Variants in DPP6 observed in about 807,000 individuals in gnomAD.
DPP6 encodes the protein A-type potassium channel modulatory protein DPP6.
A neutral mutation model predicts 122.6 loss-of-function variants in DPP6; 69 were observed. The observed-to-expected ratio is 0.56, with a 90% CI of 0.46 to 0.69. The LOEUF is 0.69. DPP6 is among the 30% of genes least tolerant of loss of function. The pLI, the probability that DPP6 is intolerant of heterozygous loss-of-function variation, is 0.00. For synonymous variants in DPP6, 418 were observed against 433.1 expected (o/e 0.97, Z 0.43); for missense variants, 928 against 1,116.9 (o/e 0.83, Z 2.41).
chr7:154,056,175 T>G (rs1800808938), intron 1 of DPP6, among the ~76,000 whole-genome samples: 1 of 152,174 alleles, frequency 6.6e-6, no homozygotes, highest in Admixed American at 6.5e-5. Context: ...AAAGCCTGTT[T>G]TGGGTGGGTC....
intron 1 of DPP6, among the ~76,000 whole-genome samples, chr7:154,270,543 C>T (rs1010707300): frequency 6.6e-6 from 1 of 152,054 alleles, no homozygotes; most frequent in African/African-American, 2.4e-5. Context: ...GCCATGTCCC[C>T]CAGAGGATGC....
intron 17 of DPP6, chr7:154,865,612 AC>A (rs1803797535): frequency 6.6e-6 from 1 of 152,040 alleles, no homozygotes; most frequent in Admixed American, 6.6e-5. Context: ...AACACCAGAA[AC>A]TTTTCCATCA....
intron 5 of DPP6, among the ~76,000 whole-genome samples, chr7:154,625,852 T>C (rs978309600): frequency 2.2e-4 from 34 of 152,228 alleles, no homozygotes; most frequent in African/African-American, 7.7e-4. Flanking sequence ...AGCACCTGTT[T>C]TGGATTTGGA....
At chr7:154,477,167 C>G (rs1275041272) in intron 3 of DPP6, among the ~76,000 whole-genome samples, 3 of 152,194 alleles carry the variant, frequency 2.0e-5, no homozygotes, top group South Asian at 2.1e-4. Context: ...TCACTTTAAG[C>G]TATTACGTCT....
chr7:154,779,292 CTA>C (rs879740186), intron 10 of DPP6, among the ~76,000 whole-genome samples: 224 of 83,040 alleles, frequency 2.7e-3, no homozygotes, highest in African/African-American at 6.6e-3. Flanking sequence ...ACCACCCCCA[CTA>C]CTATCACCAC....
At chr7:154,423,054 A>C (rs923614660) in intron 1 of DPP6, among the ~76,000 whole-genome samples, 1 of 152,106 alleles carries the variant, frequency 6.6e-6, no homozygotes, top group African/African-American at 2.4e-5. Context: ...TGTTGTTGTT[A>C]GTGTGATTAC....
At chr7:154,435,325 G>A (rs571740697) in intron 1 of DPP6, among the ~76,000 whole-genome samples, 3 of 152,236 alleles carry the variant, frequency 2.0e-5, no homozygotes, top group South Asian at 4.2e-4. Flanking sequence ...TTCATTGCAC[G>A]TTCCTGTGAG....
At chr7:154,064,948 C>A (rs980770927) in intron 1 of DPP6, among the ~76,000 whole-genome samples, 43 of 152,124 alleles carry the variant, frequency 2.8e-4, no homozygotes, top group African/African-American at 9.9e-4. Context: ...GACCTTGCAG[C>A]GTCTCCTCCT....
chr7:154,246,185 T>C (rs1309684999), intron 1 of DPP6, among the ~76,000 whole-genome samples: 1 of 152,208 alleles, frequency 6.6e-6, no homozygotes, highest in Non-Finnish European at 1.5e-5. Context: ...TTAATACATA[T>C]TTTAAGCTAA....
intron 6 of DPP6, among the ~76,000 whole-genome samples, chr7:154,667,174 T>G (rs1468680087): frequency 7.5e-6 from 1 of 133,712 alleles, no homozygotes; most frequent in Non-Finnish European, 1.6e-5. Context: ...TATTTTTATC[T>G]TTTTTTTTTA....
At chr7:154,521,285 A>G (rs1023066660) in intron 3 of DPP6, among the ~76,000 whole-genome samples, 2 of 151,994 alleles carry the variant, frequency 1.3e-5, no homozygotes, top group African/African-American at 2.4e-5. Context: ...TTGAAAGCCT[A>G]CTTAACTCTA....
chr7:154,168,928 G>T (rs1223668276), intron 1 of DPP6, among the ~76,000 whole-genome samples: 1 of 152,170 alleles, frequency 6.6e-6, no homozygotes, highest in Non-Finnish European at 1.5e-5. Flanking sequence ...AAGTTGATCA[G>T]GCATATCTGT....
the DPP6 span, among the ~76,000 whole-genome samples, chr7:153,843,282 A>G: frequency 0.028 from 3,189 of 113,070 alleles, 97 homozygotes; most frequent in African/African-American, 0.086. Context: ...GCGCGCGCGC[A>G]CACACACACA....
intron 1 of DPP6, among the ~76,000 whole-genome samples, chr7:154,439,284 A>G (rs1236141971): frequency 2.6e-5 from 4 of 152,202 alleles, no homozygotes; most frequent in Non-Finnish European, 2.9e-5. Context: ...AACATGCTTT[A>G]AGACGCTGTT....
chr7:154,268,393 AG>A (rs1180694190), intron 1 of DPP6, among the ~76,000 whole-genome samples: 9 of 152,178 alleles, frequency 5.9e-5, no homozygotes, highest in Non-Finnish European at 1.3e-4. Context: ...GCATCTGGTG[AG>A]GGCCCGTTCC....
At chr7:154,325,193 G>T (rs1456391651) in intron 1 of DPP6, among the ~76,000 whole-genome samples, 1 of 152,082 alleles carries the variant, frequency 6.6e-6, no homozygotes, top group Admixed American at 6.6e-5. Context: ...TATAGGAAAT[G>T]AAAGCTTAGT....
At chr7:153,881,393 G>A in the DPP6 span, among the ~76,000 whole-genome samples, 4 of 152,202 alleles carry the variant, frequency 2.6e-5, no homozygotes, top group Non-Finnish European at 4.4e-5. Flanking sequence ...AAGGGTCAGT[G>A]GGGAAATGGG....
intron 3 of DPP6, among the ~76,000 whole-genome samples, chr7:154,516,644 A>ACT (rs1826538728): frequency 6.6e-6 from 1 of 152,224 alleles, no homozygotes; most frequent in South Asian, 2.1e-4. Flanking sequence ...AGGACATAAG[A>ACT]CTCAGGACTG....
intron 7 of DPP6, among the ~76,000 whole-genome samples, chr7:154,687,984 G>C (rs1380184342): frequency 2.0e-5 from 3 of 152,138 alleles, no homozygotes; most frequent in African/African-American, 7.2e-5. Context: ...CTGTGTATGG[G>C]TGGATTTGCT....
Sources: allele counts gnomAD v4.1 joint callset (sites outside exome capture counted in the v4.1 genomes callset), GRCh38; gene constraint gnomAD v4.1.1; transcripts MANE v1.5; gene names NCBI Gene and HGNC (gene_info 2026-07-23, HGNC 2026-07-21).